The following CDK8 variants were observed in gnomAD, a reference collection of about 807,000 sequenced individuals.
The protein encoded by CDK8 is cyclin dependent kinase 8.
A neutral mutation model predicts 71.5 loss-of-function variants in CDK8; 29 were observed. The ratio of observed to expected loss-of-function variants is 0.41; its 90% CI spans 0.30 to 0.55. The LOEUF is 0.55. Ranked by LOEUF, CDK8 falls within the 20% of genes least tolerant of loss-of-function variation. The pLI, the probability that CDK8 is intolerant of heterozygous loss-of-function variation, is 0.37. For synonymous variants in CDK8, 161 were observed against 192.1 expected (o/e 0.84, Z 1.34); for missense variants, 288 against 572.6 (o/e 0.50, Z 5.07).
At chr13:26,289,979 T>C (rs1273814352) in intron 1 of CDK8, among the ~76,000 whole-genome samples, 1 of 152,248 alleles carries the variant, frequency 6.6e-6, no homozygotes, top group African/African-American at 2.4e-5. Flanking sequence ...TTTTCTTGAG[T>C]ACTCTTTTGC....
At chr13:26,380,906 T>A (rs1032796591) in intron 4 of CDK8, among the ~76,000 whole-genome samples, 2 of 152,248 alleles carry the variant, frequency 1.3e-5, no homozygotes, top group Non-Finnish European at 2.9e-5. Context: ...AACTTTTTTT[T>A]AACCTAGTTC....
At chr13:26,323,532 G>T (rs1051614800) in intron 1 of CDK8, among the ~76,000 whole-genome samples, 4 of 152,004 alleles carry the variant, frequency 2.6e-5, no homozygotes, top group Admixed American at 1.3e-4. Flanking sequence ...ATGAAATTTG[G>T]GGGGAGACAG....
chr13:26,399,386 G>A (rs1302345040), intron 9 of CDK8, among the ~76,000 whole-genome samples: 2 of 152,156 alleles, frequency 1.3e-5, no homozygotes, highest in Non-Finnish European at 2.9e-5. Context: ...ATGGTATCAT[G>A]TAGGGCCATG....
At chr13:26,284,813 T>C (rs1352731338) in intron 1 of CDK8, among the ~76,000 whole-genome samples, 5 of 144,784 alleles carry the variant, frequency 3.5e-5, no homozygotes, top group South Asian at 4.4e-4. Flanking sequence ...AAGGTTATAA[T>C]AACAACAACA....
chr13:26,260,157 A>G lies in CDK8; in HGVS notation c.128+5388A>G, dbSNP rs141955608. On this transcript the variant is annotated intron_variant, in intron 1 of 12. Transcript: ENST00000381527. ...TTGTGGGTTTTAATTTTTCCTTGCCATGCCTTTCTTTTCCCCTTGTTTTCC... is the reference window on the plus strand; with the variant it reads ...TTGTGGGTTTTAATTTTTCCTTGCCGTGCCTTTCTTTTCCCCTTGTTTTCC... 2.1e-3 allele frequency among the ~76,000 whole-genome samples: 317 copies of G among 152,178 alleles called. 2 individuals carry two copies. Among genetic ancestry groups the G allele is most frequent in the Admixed American group, 6.1e-3 (93 of 15,270 alleles).
chr13:26,381,613 G>A (rs1875231094), intron 4 of CDK8, among the ~76,000 whole-genome samples: 1 of 152,130 alleles, frequency 6.6e-6, no homozygotes, highest in South Asian at 2.1e-4. Context: ...TTCAAAGACA[G>A]GGTAGACTCT....
At chr13:26,318,562 G>A (rs1475648624) in intron 1 of CDK8, among the ~76,000 whole-genome samples, 4 of 152,144 alleles carry the variant, frequency 2.6e-5, no homozygotes, top group East Asian at 3.9e-4. Flanking sequence ...ATTCAACAGC[G>A]TGTTAATGGG....
chr13:26,403,848 C>G (rs1287871227), intron 12 of CDK8, 108 bp from the exon 13 acceptor site: 4 of 1,362,046 alleles, frequency 2.9e-6, no homozygotes, highest in Non-Finnish European at 4.1e-6. Context: ...TAGCACAAAA[C>G]CTATACATCC....
At chr13:26,357,429 A>G (rs368464972) in intron 4 of CDK8, among the ~76,000 whole-genome samples, 5 of 152,232 alleles carry the variant, frequency 3.3e-5, no homozygotes, top group African/African-American at 1.2e-4. Flanking sequence ...TTGCTTATAC[A>G]CTTGTCTGTG....
At chr13:26,354,954 C>A (rs1403225674) in intron 4 of CDK8, among the ~76,000 whole-genome samples, 1 of 152,108 alleles carries the variant, frequency 6.6e-6, no homozygotes, top group Non-Finnish European at 1.5e-5. Flanking sequence ...TATAAAGGCA[C>A]CTTCATTTCA....
At chr13:26,355,115 A>G (rs868396510) in intron 4 of CDK8, among the ~76,000 whole-genome samples, 1 of 152,182 alleles carries the variant, frequency 6.6e-6, no homozygotes, top group East Asian at 1.9e-4. Flanking sequence ...CTGGCCTTCA[A>G]TGTGCTGTTC....
rs567658023 is a variant in CDK8, at chr13:26,320,707, G to A, written c.129-16860G>A. Among the ~76,000 whole-genome samples, 3 of 152,206 alleles carry A rather than the reference G, an allele frequency of 2.0e-5. No individual in the cohort carries two copies. The South Asian group carries it at 6.2e-4, about 32-fold the overall frequency. On this transcript the variant is annotated intron_variant, in intron 1 of 12. Transcript: ENST00000381527. ...TAAAAAACAACTTGATTCAAAAATT[G>A]GCAAAGGACTTGAATAAACATTCCT...
chr13:26,312,836 T>TA (rs1281818630), intron 1 of CDK8, among the ~76,000 whole-genome samples: 1 of 152,198 alleles, frequency 6.6e-6, no homozygotes, highest in African/African-American at 2.4e-5. Flanking sequence ...ACTGTATTGA[T>TA]ACTCAGCACT....
chr13:26,276,029 A>C (rs1872550251), intron 1 of CDK8, among the ~76,000 whole-genome samples: 1 of 151,974 alleles, frequency 6.6e-6, no homozygotes, highest in East Asian at 1.9e-4. Flanking sequence ...CGGCCAGCTA[A>C]TTTTTGTATT....
At position 26,321,957 on chromosome 13, in the gene CDK8, G is replaced by A. The variant is rs571379733; in HGVS notation, c.129-15610G>A. On this transcript the variant is annotated intron_variant, in intron 1 of 12. Transcript: ENST00000381527. ...TATTTTATATAAATAATTGCAGAGCGCATGTGGTGCTGACTTCAACATGTA... is the reference window on the plus strand; with the variant it reads ...TATTTTATATAAATAATTGCAGAGCACATGTGGTGCTGACTTCAACATGTA... Among the ~76,000 whole-genome samples the A allele has an allele frequency of 2.4e-4, 37 of 152,160 alleles. No homozygotes were observed. In the South Asian group the frequency reaches 2.5e-3, roughly 10 times the overall value.
At chr13:26,321,115 T>G (rs11840279) in intron 1 of CDK8, among the ~76,000 whole-genome samples, 15,594 of 152,176 alleles carry the variant, frequency 0.1, 889 homozygotes, top group South Asian at 0.16. Context: ...AATAGTAGTA[T>G]TATTCACAAT....
chr13:26,323,307 G>C (rs1470370055), intron 1 of CDK8, among the ~76,000 whole-genome samples: 2 of 129,534 alleles, frequency 1.5e-5, no homozygotes, highest in Non-Finnish European at 3.1e-5. Context: ...GTGAGAGAGA[G>C]AGAGAGAGAG....
rs763051377 is a variant in CDK8 at position 26,385,339 on chromosome 13, A to G, written c.643A>G (p.Ile215Val). The G allele has an allele frequency of 6.2e-7, 1 of 1,602,724 alleles. No homozygotes were observed. Among genetic ancestry groups the G allele is most frequent in the Admixed American group, 1.7e-5 (1 of 57,178 alleles). Residue 215 changes from isoleucine (I) to valine (V), a missense_variant, in exon 6 of 13, where the codon ATT (isoleucine) becomes GTT (valine). By Grantham distance (29) the Ile-to-Val change is conservative (BLOSUM62 3). This residue lies in a region of CDK8 where 96 missense variants were observed against 229.8 expected (regional missense o/e 0.42). Coordinates refer to ENST00000381527, the MANE Select transcript of CDK8 (RefSeq NM_001260.3). Reference sequence around the variant, plus strand: ...TGGAGCAAGGCATTATACCAAAGCTATTGGTGAGTAGAACTAATTAAAATT... The same window carrying G: ...TGGAGCAAGGCATTATACCAAAGCTGTTGGTGAGTAGAACTAATTAAAATT... ...LLGARHYTKA[I>V]DIWAIGCIFA...
chr13:26,365,963 A>G (rs1322487551), intron 4 of CDK8, among the ~76,000 whole-genome samples: 4 of 152,058 alleles, frequency 2.6e-5, no homozygotes, highest in Non-Finnish European at 5.9e-5. Context: ...AATACTCTGA[A>G]TTATACTGTG....
Sources: allele counts gnomAD v4.1 joint callset (sites outside exome capture counted in the v4.1 genomes callset), GRCh38; gene constraint gnomAD v4.1.1; regional missense constraint gnomAD v4.1.1; transcripts MANE v1.5; gene names NCBI Gene and HGNC (gene_info 2026-07-23, HGNC 2026-07-21).